TAB1: variants seen among roughly 807,000 people sequenced by gnomAD.
TAB1 encodes TGF-beta-activated kinase 1 and MAP3K7-binding protein 1.
In TAB1, 30 loss-of-function variants were observed where a neutral mutation model predicts 54.5. The ratio of observed to expected loss-of-function variants is 0.55; its 90% CI spans 0.41 to 0.75. The LOEUF is 0.75. TAB1 is among the 30% of genes least tolerant of loss of function. TAB1 has a pLI of 0.00. For missense variants in TAB1, 609 were observed against 683.2 expected, an observed-to-expected ratio of 0.89 and a Z score of 1.21; for synonymous variants, 289 against 286.9, an observed-to-expected ratio of 1.01 and a Z score of -0.07.
intron 9 of TAB1, 47 bp downstream of exon 9, chr22:39,426,972 G>A: frequency 5.7e-6 from 9 of 1,578,236 alleles, no homozygotes; most frequent in Non-Finnish European, 6.0e-6. Flanking sequence ...GCCATCTGGG[G>A]GCCAGAGGTG....
intron 8 of TAB1, among the ~76,000 whole-genome samples, chr22:39,423,051 C>T (rs1368618875): frequency 2.0e-5 from 3 of 151,630 alleles, no homozygotes; most frequent in Non-Finnish European, 4.4e-5. Context: ...CGGGTCACTG[C>T]ACCCTCAACC....
chr22:39,432,934 G>C, downstream of TAB1: 1 of 985,464 alleles, frequency 1.0e-6, no homozygotes, highest in Non-Finnish European at 1.2e-6. Flanking sequence ...AAGGGGCCAG[G>C]AGTCAAGGTA....
At chr22:39,423,180 G>C (rs888538032) in intron 8 of TAB1, among the ~76,000 whole-genome samples, 1 of 152,036 alleles carries the variant, frequency 6.6e-6, no homozygotes, top group Non-Finnish European at 1.5e-5. Flanking sequence ...GGTAGAGACA[G>C]GGTCTCACTG....
intron 7 of TAB1, among the ~76,000 whole-genome samples, chr22:39,420,684 T>C (rs1368258224): frequency 6.6e-6 from 1 of 152,116 alleles, no homozygotes; most frequent in East Asian, 1.9e-4. Flanking sequence ...TACACCACAC[T>C]CTAGGACTCG....
At chr22:39,414,917 C>T in intron 1 of TAB1, 89 bp from the exon 2 acceptor site, 1 of 1,526,132 alleles carries the variant, frequency 6.6e-7, no homozygotes, top group Non-Finnish European at 9.0e-7. Flanking sequence ...TGCGGGCCTG[C>T]TAGGTTTTTG....
intron 10 of TAB1, among the ~76,000 whole-genome samples, chr22:39,428,605 G>A (rs992967614): frequency 4.6e-5 from 7 of 152,180 alleles, no homozygotes; most frequent in African/African-American, 1.2e-4. Flanking sequence ...GGCAGGGGGC[G>A]AGGTAGAGGC....
In TAB1 at chr22:39,416,837, C is replaced by T. The variant is rs376706024; in HGVS notation, c.371C>T (p.Ala124Val). ...ERSFLESIDD[A>V]LAEKASLQSQ... ...AGCTTCCTGGAGTCCATTGACGACG[C>T]CTTGGCTGAGAAGGCAAGCCTCCAG... Residue 124 changes from alanine to valine, a missense_variant, in exon 4 of 11, where the codon GCC (alanine) becomes GTC (valine). By Grantham distance (64) the Ala-to-Val change is moderately conservative. Transcript: ENST00000216160. 2.5e-6 allele frequency: 4 copies of T among 1,614,116 alleles called. No homozygotes were observed. Among genetic ancestry groups the T allele is most frequent in the South Asian group, 1.1e-5 (1 of 91,090 alleles).
intron 8 of TAB1, among the ~76,000 whole-genome samples, chr22:39,423,872 CTA>C: frequency 6.7e-6 from 1 of 149,252 alleles, no homozygotes; most frequent in Non-Finnish European, 1.5e-5. Context: ...TACATTGTAA[CTA>C]ATGTATAGTG....
At chr22:39,433,086 G>A, downstream of TAB1, 1 of 985,384 alleles carries the variant, frequency 1.0e-6, no homozygotes, top group Middle Eastern at 5.2e-4. Context: ...CCTCCGTGGG[G>A]AAAGCACTGA....
intron 1 of TAB1, among the ~76,000 whole-genome samples, chr22:39,401,766 G>A (rs2145650758): frequency 6.6e-6 from 1 of 152,266 alleles, no homozygotes; most frequent in Admixed American, 6.5e-5. Context: ...TCATCAGAAG[G>A]CCCCTCCGCC....
Position 39,415,229 on chromosome 22 carries a change from A to G in TAB1, c.170+87A>G, listed in dbSNP as rs937080654. ...GACACCGACCTTGCAGCTTTCTCGT[A>G]TGGGCTTGCCAGTGACATGTGGCCC... On this transcript the variant is annotated intron_variant, in intron 2 of 10. Transcript: ENST00000216160. The surrounding 1 kb of genome is among the most constrained non-coding windows in gnomAD (Gnocchi z 4.9). The G allele has an allele frequency of 7.4e-5, 110 of 1,477,610 alleles. 1 individual carries two copies. Among genetic ancestry groups the G allele is most frequent in the South Asian group, 6.5e-4 (49 of 74,848 alleles). The allele number at this position is 1,477,610 out of a possible 1,614,324, so 91.5% of individuals were successfully genotyped here.
rs3043618 is a variant in TAB1, at chr22:39,420,882, CTG to C, written c.777-901_777-900del. ...CACCCAGGTGCTGGGGTGTCTCTCT[CTG>C]TGTGTGTGTGTGTGTGTGTGTGTGT... On this transcript the variant is annotated intron_variant, in intron 7 of 10. Coordinates refer to ENST00000216160, the MANE Select transcript of TAB1 (RefSeq NM_006116.3). 5.2e-3 allele frequency among the ~76,000 whole-genome samples: 75 copies of C among 14,332 alleles called. 1 individual carries two copies. Among genetic ancestry groups the C allele is most frequent in the African/African-American group, 8.8e-3 (29 of 3,300 alleles). 9.4% of individuals were successfully genotyped at this position (14,332 alleles called of 152,430 possible).
chr22:39,427,464 A>C (rs919976662), intron 9 of TAB1, among the ~76,000 whole-genome samples: 1 of 152,226 alleles, frequency 6.6e-6, no homozygotes, highest in Non-Finnish European at 1.5e-5. Flanking sequence ...TCATTCTTCA[A>C]CCAAGTTCTC....
intron 9 of TAB1, among the ~76,000 whole-genome samples, chr22:39,427,409 C>T (rs1215786016): frequency 1.3e-5 from 2 of 152,234 alleles, no homozygotes; most frequent in Non-Finnish European, 2.9e-5. Context: ...CCCTGGGCTG[C>T]ACTGGAGCAG....
At position 39,402,587 on chromosome 22, in the gene TAB1, C is replaced by A. The variant is rs184147649; in HGVS notation, c.33+2752C>A. ...GGTGTATGGGGAAGACAGGATCTCA[C>A]TGTCACCCAGACTGGAGTGAAGCGG... On this transcript the variant is annotated intron_variant, in intron 1 of 10. Transcript: ENST00000216160. Among the ~76,000 whole-genome samples, 675 of 152,308 alleles carry A rather than the reference C, an allele frequency of 4.4e-3. 7 individuals are homozygous for A. The highest frequency in any genetic ancestry group is 0.016 in the African/African-American group (651 of 41,556).
chr22:39,432,820 T>A, downstream of TAB1: 1 of 985,344 alleles, frequency 1.0e-6, no homozygotes, highest in Non-Finnish European at 1.2e-6. Flanking sequence ...TCCCCAGCCT[T>A]GGTGTTACTT....
intron 10 of TAB1, 48 bp from the exon 11 acceptor site, chr22:39,429,967 C>T (rs756998438): frequency 6.2e-7 from 1 of 1,607,122 alleles, no homozygotes; most frequent in East Asian, 2.2e-5. Context: ...GCCCCAGGCC[C>T]CTTGACCCGG....
chr22:39,411,441 C>T (rs1279462732), intron 1 of TAB1, among the ~76,000 whole-genome samples: 1 of 152,216 alleles, frequency 6.6e-6, no homozygotes, highest in South Asian at 2.1e-4. Context: ...AAAAAACTTG[C>T]ACTTCACCAA....
At chr22:39,407,053 T>G (rs1285892809) in intron 1 of TAB1, among the ~76,000 whole-genome samples, 2 of 152,228 alleles carry the variant, frequency 1.3e-5, no homozygotes, top group Non-Finnish European at 2.9e-5. Flanking sequence ...CTTTCGACAG[T>G]CTGGAAGGCT....
Sources: allele counts gnomAD v4.1 joint callset (sites outside exome capture counted in the v4.1 genomes callset), GRCh38; gene constraint gnomAD v4.1.1; non-coding constraint Gnocchi (gnomAD v3.1); transcripts MANE v1.5; gene names NCBI Gene and HGNC (gene_info 2026-07-23, HGNC 2026-07-21).